The following B4GALNT2 variants were observed in gnomAD, a reference collection of about 807,000 sequenced individuals.
The protein encoded by B4GALNT2 is beta-1,4-N-acetyl-galactosaminyltransferase 2 (SID blood group).
In B4GALNT2, 42 loss-of-function variants were observed where a neutral mutation model predicts 51.1. The ratio of observed to expected loss-of-function variants is 0.82; its 90% confidence interval spans 0.64 to 1.06. The LOEUF (loss-of-function observed/expected upper bound fraction) is 1.06, where lower values mean the gene tolerates loss of function less well. Among genes scored for constraint, B4GALNT2 ranks in the 50% least tolerant of loss-of-function variants. The probability of loss-of-function intolerance (pLI) is 0.00; values close to 1 mark genes in which losing one functional copy is unlikely to be tolerated. For synonymous variants in B4GALNT2, 253 were observed against 251.7 expected, an observed-to-expected ratio of 1.01 and a Z score of -0.05; for missense variants, 602 against 633.6, an observed-to-expected ratio of 0.95 and a Z score of 0.54.
chr17:49,138,573 C>T (rs932784613), intron 1 of B4GALNT2, among the ~76,000 whole-genome samples: 1 of 152,156 alleles, frequency 6.6e-6, no homozygotes, highest in Admixed American at 6.6e-5. Flanking sequence ...CTGATCATTG[C>T]GTGGAGTAAT....
chr17:49,169,026 C>T (rs1313424783), intron 10 of B4GALNT2, 126 bp downstream of exon 10: 2 of 901,574 alleles, frequency 2.2e-6, no homozygotes, highest in East Asian at 5.3e-5. Context: ...ACATCCCTTT[C>T]CCCTTTCCCC....
chr17:49,139,806 A>T (rs1402562481), intron 1 of B4GALNT2, among the ~76,000 whole-genome samples: 1 of 152,056 alleles, frequency 6.6e-6, no homozygotes, highest in African/African-American at 2.4e-5. Context: ...ATGAGCCACT[A>T]TGCCCGGCGA....
At chr17:49,166,089 TC>T in intron 8 of B4GALNT2, 24 bp from the exon 9 acceptor site, 1 of 1,607,566 alleles carries the variant, frequency 6.2e-7, no homozygotes, top group Non-Finnish European at 8.5e-7. Context: ...GGGCAACCAC[TC>T]CTTTAACCTC....
chr17:49,127,484 T>G (rs543068133), upstream of B4GALNT2, among the ~76,000 whole-genome samples: 1 of 152,366 alleles, frequency 6.6e-6, no homozygotes, highest in East Asian at 1.9e-4. Context: ...TCATGTGAAC[T>G]GAAGGTCCCA....
intron 5 of B4GALNT2, among the ~76,000 whole-genome samples, chr17:49,157,336 T>TG (rs1299939912): frequency 6.8e-6 from 1 of 147,754 alleles, no homozygotes; most frequent in Non-Finnish European, 1.5e-5. Flanking sequence ...ATTTTTTTTT[T>TG]TTGAGATGGA....
At chr17:49,133,783 A>G (rs771643612) in intron 1 of B4GALNT2, among the ~76,000 whole-genome samples, 6 of 152,112 alleles carry the variant, frequency 3.9e-5, no homozygotes, top group African/African-American at 9.6e-5. Flanking sequence ...TGTGGTGGCA[A>G]GTGCCTGTAA....
upstream of B4GALNT2, among the ~76,000 whole-genome samples, chr17:49,131,669 C>G (rs1001862081): frequency 5.3e-5 from 8 of 151,880 alleles, no homozygotes; most frequent in Non-Finnish European, 8.8e-5. Flanking sequence ...TGCAATCACC[C>G]CGGGCTAATT....
chr17:49,152,973 G>A, intron 4 of B4GALNT2, 67 bp downstream of exon 4: 5 of 1,418,690 alleles, frequency 3.5e-6, no homozygotes, highest in Non-Finnish European at 4.9e-6. Flanking sequence ...AAAGGAGGGA[G>A]AGGTCGGGTG....
Position 49,142,150 on chromosome 17 carries a change from G to A in B4GALNT2, c.331G>A (p.Glu111Lys). ...LPAVKARRQA[E>K]FEHFQRREGL... The stretch of plus-strand genomic sequence containing the variant: ...AGCGGTGAAAGCGAGGAGACAGGCT[G>A]AATTTGAACACTTTCAGAGGAGGTA... Residue 111 changes from glutamate to lysine, a missense_variant, in exon 3 of 11, where the codon GAA (glutamate) becomes AAA (lysine). Glu to Lys is a moderately conservative substitution (Grantham distance 56). Transcript: ENST00000393354. 6.2e-7 allele frequency: 1 copy of A among 1,614,094 alleles called. No homozygotes were observed. Among genetic ancestry groups the A allele is most frequent in the South Asian group, 1.1e-5 (1 of 91,086 alleles).
At chr17:49,134,951 T>G (rs1015917990) in intron 1 of B4GALNT2, among the ~76,000 whole-genome samples, 1 of 152,176 alleles carries the variant, frequency 6.6e-6, no homozygotes, top group Admixed American at 6.5e-5. Context: ...CTGAAAGGCA[T>G]TTCTGCTATC....
At chr17:49,168,983 C>T (rs542606304) in intron 10 of B4GALNT2, 83 bp downstream of exon 10, 72 of 1,401,564 alleles carry the variant, frequency 5.1e-5, no homozygotes, top group African/African-American at 3.6e-4. Flanking sequence ...CTGTACCCGG[C>T]TGGCTGATCA....
chr17:49,168,646 G>T lies in B4GALNT2; in HGVS notation c.1096-35G>T, dbSNP rs1255844886. The T allele has an allele frequency of 1.9e-6, 3 of 1,588,566 alleles. No individual in the cohort carries two copies. In the African/African-American group the frequency reaches 4.0e-5, roughly 21 times the overall value. On this transcript the variant is annotated intron_variant, in intron 9 of 10. Coordinates refer to ENST00000393354, the MANE Select transcript of B4GALNT2 (RefSeq NM_001159387.2). ...GAAGAGGCAGGATGAATATTGATCT[G>T]CACTCTAACATGGATTTCTCTGCCT...
chr17:49,145,464 AAG>A (rs2144291917), intron 3 of B4GALNT2, among the ~76,000 whole-genome samples: 1 of 152,372 alleles, frequency 6.6e-6, no homozygotes, highest in South Asian at 2.1e-4. Context: ...TAACAAAAGA[AAG>A]AGGAAATACT....
At chr17:49,133,498 C>T (rs569986304) in intron 1 of B4GALNT2, among the ~76,000 whole-genome samples, 2 of 152,042 alleles carry the variant, frequency 1.3e-5, no homozygotes, top group African/African-American at 4.8e-5. Flanking sequence ...TTCTTTTATC[C>T]GCAAAGTTTA....
intron 3 of B4GALNT2, among the ~76,000 whole-genome samples, chr17:49,143,292 C>CAAA (rs1308519826): frequency 1.7e-4 from 23 of 133,174 alleles, no homozygotes; most frequent in African/African-American, 4.6e-4. Flanking sequence ...ACAACAACAA[C>CAAA]AACAAAAACA....
upstream of B4GALNT2, among the ~76,000 whole-genome samples, chr17:49,131,981 A>T (rs1014901979): frequency 5.1e-4 from 77 of 151,972 alleles, no homozygotes; most frequent in Middle Eastern, 3.4e-3. Flanking sequence ...AATTATTATT[A>T]TTATTTTTTA....
chr17:49,136,021 C>T (rs1352635165), intron 1 of B4GALNT2, among the ~76,000 whole-genome samples: 4 of 150,382 alleles, frequency 2.7e-5, no homozygotes, highest in Middle Eastern at 3.4e-3. Context: ...AGGTGGAGCT[C>T]GCAGTGAGCT....
chr17:49,157,473 A>G (rs2042822223), intron 5 of B4GALNT2, among the ~76,000 whole-genome samples: 2 of 151,958 alleles, frequency 1.3e-5, no homozygotes, highest in South Asian at 4.2e-4. Flanking sequence ...GGCATGCACC[A>G]CTACACCCAG....
At chr17:49,132,626 G>C, upstream of B4GALNT2, 1 of 681,066 alleles carries the variant, frequency 1.5e-6, no homozygotes, top group Non-Finnish European at 2.2e-6. Context: ...AGAGATGGGG[G>C]CGCTGGTGTG....
Sources: gnomAD v4.1 joint callset for allele counts (sites outside exome capture counted in the v4.1 genomes callset) on GRCh38, gnomAD v4.1.1 for gene constraint, MANE v1.5 for transcripts, NCBI Gene and HGNC (gene_info 2026-07-23, HGNC 2026-07-21) for gene names.